The following IL1RAPL1 variants were observed in gnomAD, a reference collection of about 807,000 sequenced individuals.
IL1RAPL1 encodes interleukin-1 receptor accessory protein-like 1.
IL1RAPL1 carries 3 observed loss-of-function variants against 48.4 expected under a neutral mutation model. The observed-to-expected ratio is 0.06, with a 90% CI of 0.03 to 0.16. IL1RAPL1 has a LOEUF of 0.16. Ranked by LOEUF, IL1RAPL1 falls within the 10% of genes least tolerant of loss-of-function variation. The pLI is 1.00. For missense variants in IL1RAPL1, 349 were observed against 530.6 expected (o/e 0.66, Z 3.36); for synonymous variants, 185 against 187.7 (o/e 0.99, Z 0.12).
At chrX:28,987,244 A>G (rs1313662611) in intron 2 of IL1RAPL1, among the ~76,000 whole-genome samples, 1 of 112,375 alleles carries the variant, frequency 8.9e-6, no homozygotes, top group African/African-American at 3.2e-5. Flanking sequence ...TCCTGGATCT[A>G]TCAGAGATTG....
intron 6 of IL1RAPL1, among the ~76,000 whole-genome samples, chrX:29,767,181 C>G (rs1053687996): frequency 2.7e-5 from 3 of 112,052 alleles, no homozygotes; most frequent in African/African-American, 9.7e-5. Flanking sequence ...TGTTTGTTTG[C>G]TTGTTTTCTA....
intron 9 of IL1RAPL1, among the ~76,000 whole-genome samples, chrX:29,943,653 T>C (rs1193191762): frequency 1.8e-5 from 2 of 112,391 alleles, no homozygotes; most frequent in Non-Finnish European, 3.8e-5. Context: ...CCCTTTTCTA[T>C]TAACCCTGTT....
intron 2 of IL1RAPL1, among the ~76,000 whole-genome samples, chrX:29,093,539 G>A (rs190663364): frequency 9.0e-6 from 1 of 111,557 alleles, no homozygotes; most frequent in Admixed American, 9.6e-5. Context: ...TTGTTTGTGG[G>A]TTGAAAGCAT....
intron 6 of IL1RAPL1, among the ~76,000 whole-genome samples, chrX:29,783,533 T>C (rs1929414028): frequency 9.0e-6 from 1 of 111,102 alleles, no homozygotes; most frequent in African/African-American, 3.3e-5. Flanking sequence ...ATGAGATGAG[T>C]TGGAGGTCGG....
chrX:29,408,768 G>C (rs907138006), intron 5 of IL1RAPL1, among the ~76,000 whole-genome samples: 2 of 111,924 alleles, frequency 1.8e-5, no homozygotes, highest in Non-Finnish European at 3.8e-5. Context: ...GGAAGCTGAG[G>C]CAAAGAAAGG....
At chrX:29,002,507 A>G (rs1925878151) in intron 2 of IL1RAPL1, among the ~76,000 whole-genome samples, 1 of 109,299 alleles carries the variant, frequency 9.1e-6, no homozygotes, top group Non-Finnish European at 1.9e-5. Context: ...CTTGGGATTT[A>G]TATACTTTTC....
intron 6 of IL1RAPL1, among the ~76,000 whole-genome samples, chrX:29,855,890 A>T (rs1343157908): frequency 9.0e-6 from 1 of 111,270 alleles, no homozygotes; most frequent in Admixed American, 9.6e-5. Flanking sequence ...TTACTGTCTC[A>T]GACAGTACCT....
chrX:29,126,807 A>G (rs1160032022), intron 2 of IL1RAPL1, among the ~76,000 whole-genome samples: 4 of 112,139 alleles, frequency 3.6e-5, no homozygotes, highest in African/African-American at 1.3e-4. Flanking sequence ...ATATTTTTAT[A>G]GTACCTCAGA....
At chrX:29,236,481 G>A (rs778974374) in intron 2 of IL1RAPL1, among the ~76,000 whole-genome samples, 12 of 104,837 alleles carry the variant, frequency 1.1e-4, no homozygotes, top group African/African-American at 3.9e-4. Flanking sequence ...ATATCAAGCC[G>A]TCTTAGGCTG....
In IL1RAPL1 at chrX:29,242,849, C is replaced by T. The variant is rs148013113; in HGVS notation, c.83-40089C>T. ...GACGTGAATAGGTAAGCAACTTACC[C>T]ATACTTACAAAGGAAGTGACAGAGT... is the stretch of plus-strand genomic sequence containing the variant. On this transcript the variant is annotated intron_variant, in intron 2 of 10. Transcript: ENST00000378993. Among the ~76,000 whole-genome samples, 1,023 of 112,006 alleles carry T rather than the reference C, an allele frequency of 9.1e-3. 16 individuals are homozygous for T. The highest frequency in any genetic ancestry group is 0.032 in the African/African-American group (981 of 30,836).
intron 2 of IL1RAPL1, among the ~76,000 whole-genome samples, chrX:29,026,567 C>T (rs917909750): frequency 1.8e-5 from 2 of 111,124 alleles, no homozygotes; most frequent in African/African-American, 6.6e-5. Context: ...TATTCTGGAA[C>T]TTAAAGTAAA....
chrX:29,229,784 T>G (rs1265989955), intron 2 of IL1RAPL1, among the ~76,000 whole-genome samples: 1 of 112,359 alleles, frequency 8.9e-6, no homozygotes, highest in Admixed American at 9.5e-5. Context: ...TATTTTTTAA[T>G]TAGCCACCCT....
At chrX:29,590,129 C>T (rs980305188) in intron 5 of IL1RAPL1, among the ~76,000 whole-genome samples, 4 of 110,801 alleles carry the variant, frequency 3.6e-5, no homozygotes, top group East Asian at 2.9e-4. Context: ...ACAGATCTCA[C>T]GAGAACTAAC....
At chrX:28,952,162 T>A (rs1408212610) in intron 2 of IL1RAPL1, among the ~76,000 whole-genome samples, 1 of 111,219 alleles carries the variant, frequency 9.0e-6, no homozygotes, top group Non-Finnish European at 1.9e-5. Flanking sequence ...AGCATTAATT[T>A]TAAATATTAA....
intron 3 of IL1RAPL1, among the ~76,000 whole-genome samples, chrX:29,356,365 GTGT>G (rs1249446743): frequency 1.8e-5 from 2 of 108,858 alleles, no homozygotes; most frequent in Non-Finnish European, 1.9e-5. Flanking sequence ...TGTAAAATTT[GTGT>G]TGTTGGTTTG....
chrX:28,597,680 G>A (rs941374212), intron 1 of IL1RAPL1, among the ~76,000 whole-genome samples: 1 of 109,758 alleles, frequency 9.1e-6, no homozygotes, highest in Non-Finnish European at 1.9e-5. Flanking sequence ...GCAATGAGCC[G>A]AGATCACACC....
intron 6 of IL1RAPL1, among the ~76,000 whole-genome samples, chrX:29,778,322 G>A (rs1203896275): frequency 3.6e-5 from 4 of 111,120 alleles, no homozygotes; most frequent in Admixed American, 9.6e-5. Context: ...GGGGAGTGCC[G>A]GGGGAAAATA....
At chrX:29,708,880 G>A (rs911544214) in intron 6 of IL1RAPL1, among the ~76,000 whole-genome samples, 8 of 111,967 alleles carry the variant, frequency 7.1e-5, no homozygotes, top group African/African-American at 2.6e-4. Flanking sequence ...GCCAACACTT[G>A]TTATCATTCC....
chrX:29,943,327 G>C (rs1036907812), intron 9 of IL1RAPL1, among the ~76,000 whole-genome samples: 1 of 111,758 alleles, frequency 8.9e-6, no homozygotes, highest in Admixed American at 9.5e-5. Flanking sequence ...CATAGTGCTA[G>C]GCATTCTTAG....
Sources: allele counts gnomAD v4.1 joint callset (sites outside exome capture counted in the v4.1 genomes callset), GRCh38; gene constraint gnomAD v4.1.1; transcripts MANE v1.5; gene names NCBI Gene and HGNC (gene_info 2026-07-23, HGNC 2026-07-21).